The following CCNI variants were observed in gnomAD, a reference collection of about 807,000 sequenced individuals.
CCNI encodes cyclin I, also known as cyclin-I.
A neutral mutation model predicts 34.1 loss-of-function variants in CCNI; 14 were observed. That is an observed-to-expected ratio of 0.41 (90% CI 0.27 to 0.64). The LOEUF is 0.64. Ranked by LOEUF, CCNI falls within the 30% of genes least tolerant of loss-of-function variation. The pLI, the probability that CCNI is intolerant of heterozygous loss-of-function variation, is 0.31. For missense variants in CCNI, 385 were observed against 440.5 expected (o/e 0.87, Z 1.13); for synonymous variants, 154 against 158.4 (o/e 0.97, Z 0.21).
At chr4:77,070,181 C>A (rs1166084758) in intron 1 of CCNI, among the ~76,000 whole-genome samples, 1 of 151,944 alleles carries the variant, frequency 6.6e-6, no homozygotes, top group Non-Finnish European at 1.5e-5. Context: ...CCACACATGG[C>A]TAATTTTTGT....
intron 6 of CCNI, among the ~76,000 whole-genome samples, chr4:77,051,149 T>A (rs941386155): frequency 6.6e-6 from 1 of 152,166 alleles, no homozygotes; most frequent in African/African-American, 2.4e-5. Flanking sequence ...AATTCCAGGT[T>A]TTTTTGGAAC....
chr4:77,054,429 A>G (rs1412866375), intron 6 of CCNI, among the ~76,000 whole-genome samples: 1 of 152,200 alleles, frequency 6.6e-6, no homozygotes, highest in East Asian at 1.9e-4. Flanking sequence ...TGGCAGGAAA[A>G]TGGTCTGCAG....
At chr4:77,065,053 TGA>T (rs1201226638) in intron 2 of CCNI, 2 of 152,236 alleles carry the variant, frequency 1.3e-5, no homozygotes, top group African/African-American at 4.8e-5. Context: ...AAGAATTAAA[TGA>T]GATATTAAAT....
At chr4:77,072,257 T>G (rs1315764473) in intron 1 of CCNI, among the ~76,000 whole-genome samples, 1 of 151,992 alleles carries the variant, frequency 6.6e-6, no homozygotes, top group African/African-American at 2.4e-5. Flanking sequence ...GAATCACTCT[T>G]TGCTCACTCT....
At chr4:77,053,627 A>G (rs1438833589) in intron 6 of CCNI, among the ~76,000 whole-genome samples, 2 of 152,182 alleles carry the variant, frequency 1.3e-5, no homozygotes, top group Non-Finnish European at 2.9e-5. Flanking sequence ...ACTTTAAAGC[A>G]ATCTTTTTCT....
At position 77,055,257 on chromosome 4, in the gene CCNI, G is replaced by A. The variant is rs760525808; in HGVS notation, c.583C>T (p.Leu195=). The A allele has an allele frequency of 3.1e-6, 5 of 1,614,108 alleles. No homozygotes were observed. Among genetic ancestry groups the A allele is most frequent in the Non-Finnish European group, 4.2e-6 (5 of 1,179,954 alleles). ...GCAAGCATGGATCCTCTGAATTGCA[G>A]AAGTTGGTTGCAGGCCATACAGTGA... ...LLHCMACNQL[L]QFRGSMLALA... The change falls in exon 6 of 7, where the codon CTG becomes TTG. Residue 195 remains leucine (L), a synonymous_variant. Coordinates refer to ENST00000237654, the MANE Select transcript of CCNI (RefSeq NM_006835.3).
At chr4:77,062,218 G>A (rs1246203350) in intron 2 of CCNI, among the ~76,000 whole-genome samples, 8 of 152,132 alleles carry the variant, frequency 5.3e-5, no homozygotes, top group African/African-American at 1.9e-4. Context: ...GTTGGGCTGA[G>A]TACCTTCCTA....
intron 6 of CCNI, among the ~76,000 whole-genome samples, chr4:77,052,850 C>T (rs1451394035): frequency 6.6e-6 from 1 of 152,164 alleles, no homozygotes; most frequent in Non-Finnish European, 1.5e-5. Context: ...AACTAGGAGC[C>T]ATCCATGTTT....
intron 2 of CCNI, among the ~76,000 whole-genome samples, chr4:77,060,507 G>A (rs917585491): frequency 6.6e-6 from 1 of 152,120 alleles, no homozygotes; most frequent in South Asian, 2.1e-4. Flanking sequence ...ACCCAGGCTG[G>A]AGTACAGTGG....
At position 77,075,528 on chromosome 4, in the gene CCNI, G is replaced by A. The variant is rs1362193329; in HGVS notation, c.-100C>T. On this transcript the variant is annotated 5_prime_UTR_variant, in exon 1 of 7. Coordinates refer to ENST00000237654, the MANE Select transcript of CCNI (RefSeq NM_006835.3). ...CCGGCAGAGCTGTAGGCCTCACAGTGGTGACGCGGGGTCATCCGGGGGCCC... is the reference window on the plus strand; with the variant it reads ...CCGGCAGAGCTGTAGGCCTCACAGTAGTGACGCGGGGTCATCCGGGGGCCC... The A allele has an allele frequency of 1.4e-4, 143 of 988,378 alleles. No individual in the cohort carries two copies. The highest frequency in any genetic ancestry group is 1.7e-4 in the Non-Finnish European group (140 of 830,638). The allele number at this position is 988,378 out of a possible 1,614,324, so 61.2% of individuals were successfully genotyped here.
At chr4:77,051,037 C>A (rs530989516) in intron 6 of CCNI, among the ~76,000 whole-genome samples, 1 of 152,250 alleles carries the variant, frequency 6.6e-6, no homozygotes, top group Non-Finnish European at 1.5e-5. Flanking sequence ...CTCGCATTGT[C>A]CTGTATACTT....
chr4:77,056,384 T>A, intron 3 of CCNI, 61 bp from the exon 4 acceptor site: 1 of 1,290,374 alleles, frequency 7.7e-7, no homozygotes, highest in Non-Finnish European at 1.1e-6. Flanking sequence ...TTTAACTTTT[T>A]GTAACTGTTT....
At chr4:77,067,949 G>A (rs182709359) in intron 1 of CCNI, among the ~76,000 whole-genome samples, 11 of 152,002 alleles carry the variant, frequency 7.2e-5, no homozygotes, top group South Asian at 6.3e-4. Flanking sequence ...AGGTGGAGGC[G>A]GGCAGATCAC....
intron 2 of CCNI, among the ~76,000 whole-genome samples, chr4:77,062,644 G>C (rs922442432): frequency 3.9e-5 from 6 of 152,128 alleles, no homozygotes; most frequent in African/African-American, 1.4e-4. Context: ...AGAATGACTA[G>C]AAAAGCTGTT....
intron 6 of CCNI, among the ~76,000 whole-genome samples, chr4:77,053,719 T>C (rs546107890): frequency 1.3e-5 from 2 of 152,198 alleles, no homozygotes; most frequent in African/African-American, 4.8e-5. Flanking sequence ...AATAATGTAA[T>C]GTAGGAGGTT....
At chr4:77,069,574 T>C (rs1269061913) in intron 1 of CCNI, among the ~76,000 whole-genome samples, 1 of 146,110 alleles carries the variant, frequency 6.8e-6, no homozygotes, top group Admixed American at 6.8e-5. Context: ...TATCTCCTAA[T>C]GCTATCCCTC....
Position 77,048,308 on chromosome 4 carries a change from T to C in CCNI, c.1045A>G (p.Asn349Asp). The change falls in exon 7 of 7, where the codon AAT (asparagine) becomes GAT (aspartate). Residue 349 changes from asparagine (N) to aspartate (D), a missense_variant. This residue lies in a region of CCNI where 250 missense variants were observed against 248.7 expected (regional missense o/e 1.01). Coordinates refer to ENST00000237654, the MANE Select transcript of CCNI (RefSeq NM_006835.3). ...RLYNEDNVSE[N>D]VGSVCGTDLS... Reference sequence around the variant, plus strand: ...TCAGTGCCACACACAGAACCCACATTTTCTGAGACATTATCTTCATTATAG... The same window carrying C: ...TCAGTGCCACACACAGAACCCACATCTTCTGAGACATTATCTTCATTATAG... 6.2e-7 allele frequency: 1 copy of C among 1,614,018 alleles called. No individual in the cohort carries two copies. The highest frequency in any genetic ancestry group is 8.5e-7 in the Non-Finnish European group (1 of 1,179,976).
intron 6 of CCNI, among the ~76,000 whole-genome samples, chr4:77,054,258 G>A (rs1248362394): frequency 6.6e-6 from 1 of 152,016 alleles, no homozygotes; most frequent in African/African-American, 2.4e-5. Flanking sequence ...CTCAATAACT[G>A]CAGTTCTTTG....
rs770046729 is a variant in CCNI, at chr4:77,048,489, G to C, written c.864C>G (p.Asp288Glu). Residue 288 changes from aspartate (D) to glutamate (E), a missense_variant, in exon 7 of 7, where the codon GAC (aspartate) becomes GAG (glutamate). Physicochemically the swap from Asp to Glu is conservative, Grantham distance 45. Transcript: ENST00000237654. ...CTGGCTTGCTGTTGTCCTTGGAGAA[G>C]TCTGGGCCTGGGACAGAGGAGGGAT... is the stretch of plus-strand genomic sequence containing the variant. ...RLHPSSVPGP[D>E]FSKDNSKPEV... is the part of the protein sequence containing the mutation. The C allele has an allele frequency of 1.2e-6, 2 of 1,614,158 alleles. No homozygotes were observed. Among genetic ancestry groups the C allele is most frequent in the Non-Finnish European group, 1.7e-6 (2 of 1,180,024 alleles).
Sources: allele counts gnomAD v4.1 joint callset (sites outside exome capture counted in the v4.1 genomes callset), GRCh38; gene constraint gnomAD v4.1.1; regional missense constraint gnomAD v4.1.1; transcripts MANE v1.5; gene names NCBI Gene and HGNC (gene_info 2026-07-23, HGNC 2026-07-21).